Variants in SCHIP1 observed in about 807,000 individuals in gnomAD.
SCHIP1 encodes the protein schwannomin interacting protein 1, also known as schwannomin-interacting protein 1.
Under a neutral mutation model 29.7 loss-of-function variants are expected in SCHIP1, and 8 were observed. The ratio of observed to expected loss-of-function variants is 0.27; its 90% CI spans 0.16 to 0.49. The LOEUF (loss-of-function observed/expected upper bound fraction) is 0.49. SCHIP1 is among the 20% of genes least tolerant of loss of function. The probability of loss-of-function intolerance (pLI) is 0.99; values close to 1 mark genes in which losing one functional copy is unlikely to be tolerated. For synonymous variants in SCHIP1, 76 were observed against 94.9 expected (o/e 0.80, Z 1.16); for missense variants, 193 against 294.6 (o/e 0.66, Z 2.52).
chr3:159,413,965 C>T, the SCHIP1 span, among the ~76,000 whole-genome samples: 1 of 152,022 alleles, frequency 6.6e-6, no homozygotes, highest in Non-Finnish European at 1.5e-5. Flanking sequence ...TGTAAGACAC[C>T]CATCCAGTGG....
chr3:159,303,466 CAAAGA>C, the SCHIP1 span, among the ~76,000 whole-genome samples: 5 of 100,102 alleles, frequency 5.0e-5, no homozygotes, highest in East Asian at 2.7e-4. Context: ...GAGAGAAGAA[CAAAGA>C]AAAGAAAAGA....
chr3:159,398,057 C>T, the SCHIP1 span, among the ~76,000 whole-genome samples: 188 of 152,288 alleles, frequency 1.2e-3, 2 homozygotes, highest in South Asian at 0.03. Flanking sequence ...ATTGGAAAAG[C>T]GCAGTATTCA....
At chr3:159,716,318 G>C in the SCHIP1 span, among the ~76,000 whole-genome samples, 2 of 152,286 alleles carry the variant, frequency 1.3e-5, no homozygotes, top group East Asian at 3.9e-4. Flanking sequence ...AAAGACCATT[G>C]ATGCTAGCAA....
chr3:159,785,831 A>C, the SCHIP1 span, among the ~76,000 whole-genome samples: 28 of 152,292 alleles, frequency 1.8e-4, no homozygotes, highest in South Asian at 5.8e-3. Flanking sequence ...CAAAAGAGCT[A>C]TCCATCACTG....
chr3:159,685,734 T>G, the SCHIP1 span, among the ~76,000 whole-genome samples: 15 of 152,332 alleles, frequency 9.8e-5, no homozygotes, highest in African/African-American at 3.6e-4. Context: ...CTCAGTGTAC[T>G]GAACATGAAT....
the SCHIP1 span, among the ~76,000 whole-genome samples, chr3:159,334,888 C>CTTT: frequency 8.7e-5 from 12 of 137,272 alleles, no homozygotes; most frequent in African/African-American, 3.4e-4. Context: ...TCTTTTTCTT[C>CTTT]TTCTTCTTCT....
At chr3:159,697,639 A>G in the SCHIP1 span, among the ~76,000 whole-genome samples, 1 of 152,338 alleles carries the variant, frequency 6.6e-6, no homozygotes, top group East Asian at 1.9e-4. Context: ...AATCTTCCTT[A>G]GTATAAAATA....
the SCHIP1 span, among the ~76,000 whole-genome samples, chr3:159,695,140 G>C: frequency 6.6e-6 from 1 of 152,170 alleles, no homozygotes; most frequent in Non-Finnish European, 1.5e-5. Context: ...GCAGGGGGCT[G>C]TGCTGTCACT....
At chr3:159,327,706 T>A in the SCHIP1 span, among the ~76,000 whole-genome samples, 1 of 152,180 alleles carries the variant, frequency 6.6e-6, no homozygotes, top group East Asian at 1.9e-4. Flanking sequence ...CCCTAATAAC[T>A]CTGCTTCTAT....
chr3:159,646,717 A>G, the SCHIP1 span, among the ~76,000 whole-genome samples: 3 of 152,120 alleles, frequency 2.0e-5, no homozygotes, highest in Non-Finnish European at 4.4e-5. Flanking sequence ...ATAGCTAACA[A>G]TAGGACAGAT....
chr3:159,380,004 C>T, the SCHIP1 span, among the ~76,000 whole-genome samples: 210 of 152,144 alleles, frequency 1.4e-3, no homozygotes, highest in Non-Finnish European at 2.5e-3. Flanking sequence ...AGCCCTAGTT[C>T]GATGCCTAAG....
the SCHIP1 span, among the ~76,000 whole-genome samples, chr3:159,587,386 A>G: frequency 6.8e-6 from 1 of 146,976 alleles, no homozygotes; most frequent in Admixed American, 6.7e-5. Context: ...AATTGCTTTA[A>G]AAAAAAAAAA....
the SCHIP1 span, among the ~76,000 whole-genome samples, chr3:159,790,574 G>A: frequency 2.6e-5 from 4 of 152,100 alleles, no homozygotes; most frequent in African/African-American, 9.7e-5. Context: ...TAGTCCCAGC[G>A]ACTTGGGAGG....
At chr3:159,629,286 AAAAAAG>A in the SCHIP1 span, among the ~76,000 whole-genome samples, 1 of 152,156 alleles carries the variant, frequency 6.6e-6, no homozygotes, top group African/African-American at 2.4e-5. Flanking sequence ...CTAAAAAAAG[AAAAAAG>A]AAAAAGAAAA....
At chr3:159,742,742 A>C in the SCHIP1 span, among the ~76,000 whole-genome samples, 1 of 150,570 alleles carries the variant, frequency 6.6e-6, no homozygotes, top group African/African-American at 2.5e-5. Flanking sequence ...ATCTCAGCTC[A>C]CTGCAACCTC....
chr3:159,600,183 A>G, the SCHIP1 span, among the ~76,000 whole-genome samples: 39 of 152,328 alleles, frequency 2.6e-4, no homozygotes, highest in African/African-American at 8.7e-4. Flanking sequence ...ATTATAACAT[A>G]CCATAGAGAA....
rs1274225629 is a variant in SCHIP1 at position 159,861,614 on chromosome 3, A to T, written c.31-4549A>T. Among the ~76,000 whole-genome samples the T allele has an allele frequency of 6.6e-6, 1 of 152,194 alleles. No individual in the cohort carries two copies. Among genetic ancestry groups the T allele is most frequent in the Non-Finnish European group, 1.5e-5 (1 of 68,020 alleles). On this transcript the variant is annotated intron_variant, in intron 1 of 6. Transcript: ENST00000445224. The surrounding 1 kb of genome is among the most constrained non-coding windows in gnomAD (Gnocchi z 4.1). Reference sequence around the variant, plus strand: ...TGAGGACAAAAACTTCCTGGGGCTGAATAGCGGTGAGTTTCTAATCACATT... The same window carrying T: ...TGAGGACAAAAACTTCCTGGGGCTGTATAGCGGTGAGTTTCTAATCACATT...
the SCHIP1 span, among the ~76,000 whole-genome samples, chr3:159,408,400 T>TA: frequency 0.19 from 27,896 of 147,474 alleles, 3,470 homozygotes; most frequent in African/African-American, 0.35. Flanking sequence ...TTTGCAATGA[T>TA]AAAAAAAAAA....
At chr3:159,473,674 GAAAAAA>G in the SCHIP1 span, among the ~76,000 whole-genome samples, 7 of 81,448 alleles carry the variant, frequency 8.6e-5, no homozygotes, top group Non-Finnish European at 1.7e-4. Context: ...ATGTAACTAC[GAAAAAA>G]AAAAAAAAAA....
Sources: gnomAD v4.1 joint callset for allele counts (sites outside exome capture counted in the v4.1 genomes callset) on GRCh38, gnomAD v4.1.1 for gene constraint, Gnocchi (gnomAD v3.1) non-coding constraint, MANE v1.5 for transcripts, NCBI Gene and HGNC (gene_info 2026-07-23, HGNC 2026-07-21) for gene names.